The following CNTN5 variants were observed in gnomAD, a reference collection of about 807,000 sequenced individuals.
The protein encoded by CNTN5 is contactin 5, also known as contactin-5.
CNTN5 carries 77 observed loss-of-function variants against 129.1 expected under a neutral mutation model. The observed-to-expected ratio is 0.60, with a 90% CI of 0.50 to 0.72. The LOEUF (loss-of-function observed/expected upper bound fraction) is 0.72. Ranked by LOEUF, CNTN5 falls within the 30% of genes least tolerant of loss-of-function variation. The pLI, the probability that CNTN5 is intolerant of heterozygous loss-of-function variation, is 0.00. For synonymous variants in CNTN5, 509 were observed against 465.6 expected (o/e 1.09, Z -1.20); for missense variants, 1,478 against 1,328.8 (o/e 1.11, Z -1.75).
At chr11:99,486,999 G>A (rs1945844470) in intron 2 of CNTN5, among the ~76,000 whole-genome samples, 1 of 152,154 alleles carries the variant, frequency 6.6e-6, no homozygotes, top group Non-Finnish European at 1.5e-5. Flanking sequence ...TGGTATTTTT[G>A]GAAGAGTCAG....
At chr11:100,198,224 C>A (rs879788292) in intron 15 of CNTN5, among the ~76,000 whole-genome samples, 11 of 151,894 alleles carry the variant, frequency 7.2e-5, no homozygotes, top group Admixed American at 2.0e-4. Flanking sequence ...AGACATTAAG[C>A]AATTCAAGAA....
intron 1 of CNTN5, among the ~76,000 whole-genome samples, chr11:99,104,613 TGTGTATATATATATATACACACACACAC>T (rs1051770796): frequency 1.2e-4 from 14 of 114,688 alleles, no homozygotes; most frequent in Admixed American, 3.1e-4. Context: ...CTACAATGTG[TGTGTATATATATATATACACACACACAC>T]GTGTATATAT....
chr11:99,835,340 G>T (rs557004406), intron 4 of CNTN5, among the ~76,000 whole-genome samples: 1 of 152,202 alleles, frequency 6.6e-6, no homozygotes, highest in Non-Finnish European at 1.5e-5. Flanking sequence ...TGTGAGGTAG[G>T]GTTGGGATGA....
At chr11:99,091,449 A>C (rs1866247454) in intron 1 of CNTN5, among the ~76,000 whole-genome samples, 1 of 152,232 alleles carries the variant, frequency 6.6e-6, no homozygotes, top group Admixed American at 6.5e-5. Context: ...ACCAAGACGA[A>C]CCCAGAAATT....
At chr11:99,406,949 G>T (rs1432091184) in intron 2 of CNTN5, among the ~76,000 whole-genome samples, 1 of 149,714 alleles carries the variant, frequency 6.7e-6, no homozygotes, top group Non-Finnish European at 1.5e-5. Flanking sequence ...TCAGGGAAGT[G>T]GGCTCACCTC....
intron 13 of CNTN5, among the ~76,000 whole-genome samples, chr11:100,097,618 C>T (rs1591237793): frequency 6.6e-6 from 1 of 152,130 alleles, no homozygotes; most frequent in East Asian, 1.9e-4. Flanking sequence ...CAAATTTTGA[C>T]TCTACTGAGA....
At chr11:100,149,419 T>G (rs1196036525) in intron 13 of CNTN5, among the ~76,000 whole-genome samples, 1 of 152,226 alleles carries the variant, frequency 6.6e-6, no homozygotes, top group African/African-American at 2.4e-5. Context: ...TTGTGATCCA[T>G]TCTGTTGAAG....
chr11:99,651,211 T>A (rs1952143174), intron 3 of CNTN5, among the ~76,000 whole-genome samples: 1 of 128,450 alleles, frequency 7.8e-6, no homozygotes, highest in East Asian at 2.2e-4. Context: ...GAAACAGTTA[T>A]GTTAAAACAG....
At chr11:100,347,470 C>T (rs775936846) in intron 23 of CNTN5, among the ~76,000 whole-genome samples, 37 of 152,140 alleles carry the variant, frequency 2.4e-4, no homozygotes, top group Non-Finnish European at 3.5e-4. Context: ...TCTTTACATT[C>T]ATTTATGCCT....
rs1284635690 is a variant in CNTN5, at chr11:99,259,299, C to T, written c.-209-66047C>T. 2.0e-5 allele frequency among the ~76,000 whole-genome samples: 3 copies of T among 151,690 alleles called. No individual in the cohort carries two copies. In the Admixed American group the frequency reaches 2.0e-4, roughly 10 times the overall value. On this transcript the variant is annotated intron_variant, in intron 1 of 24. Transcript: ENST00000524871. ...CTAGTATTTTTCCTCTGCGCCCTTA[C>T]TTCTAAAATCCTATACCCATATATG...
At chr11:99,731,589 AACAT>A (rs1451227600) in intron 3 of CNTN5, among the ~76,000 whole-genome samples, 1 of 152,188 alleles carries the variant, frequency 6.6e-6, no homozygotes, top group Non-Finnish European at 1.5e-5. Flanking sequence ...ATATTTTTTT[AACAT>A]ACAGAGTTGA....
intron 13 of CNTN5, among the ~76,000 whole-genome samples, chr11:100,128,938 C>T (rs1249729246): frequency 6.6e-6 from 1 of 151,968 alleles, no homozygotes; most frequent in Admixed American, 6.6e-5. Context: ...CATTAGTGTT[C>T]TGCAATTATA....
intron 3 of CNTN5, among the ~76,000 whole-genome samples, chr11:99,701,332 T>G (rs1327187705): frequency 6.6e-6 from 1 of 151,330 alleles, no homozygotes; most frequent in Non-Finnish European, 1.5e-5. Context: ...AGGAAAAAAG[T>G]AGTTATTTTT....
intron 8 of CNTN5, among the ~76,000 whole-genome samples, chr11:99,961,789 A>G (rs967469984): frequency 6.6e-6 from 1 of 152,172 alleles, no homozygotes; most frequent in African/African-American, 2.4e-5. Flanking sequence ...TTATTCTAGC[A>G]TTCGTATGCC....
chr11:99,051,566 A>G (rs940686768), intron 1 of CNTN5, among the ~76,000 whole-genome samples: 1 of 151,956 alleles, frequency 6.6e-6, no homozygotes, highest in Non-Finnish European at 1.5e-5. Context: ...TTACTTCAAC[A>G]GTCAACAGCA....
chr11:99,042,740 C>T (rs1408605471), intron 1 of CNTN5, among the ~76,000 whole-genome samples: 1 of 152,122 alleles, frequency 6.6e-6, no homozygotes, highest in African/African-American at 2.4e-5. Context: ...AGTACAATGC[C>T]TGGAATTCAG....
intron 3 of CNTN5, among the ~76,000 whole-genome samples, chr11:99,757,920 G>C (rs149556682): frequency 7.2e-5 from 11 of 152,124 alleles, no homozygotes; most frequent in African/African-American, 2.6e-4. Flanking sequence ...TCTAAAAATA[G>C]TAACTGTTAT....
chr11:100,301,800 T>A (rs1390594136), intron 20 of CNTN5, among the ~76,000 whole-genome samples: 2 of 151,596 alleles, frequency 1.3e-5, no homozygotes, highest in Non-Finnish European at 3.0e-5. Flanking sequence ...ACTTTAAAAA[T>A]GAAGGTCTCA....
intron 17 of CNTN5, among the ~76,000 whole-genome samples, chr11:100,263,642 T>TGGTA (rs1213291719): frequency 2.0e-5 from 3 of 152,152 alleles, no homozygotes; most frequent in Non-Finnish European, 4.4e-5. Flanking sequence ...TTTCTAGGTA[T>TGGTA]GGTAGTTAAT....
Sources: allele counts gnomAD v4.1 joint callset (sites outside exome capture counted in the v4.1 genomes callset), GRCh38; gene constraint gnomAD v4.1.1; transcripts MANE v1.5; gene names NCBI Gene and HGNC (gene_info 2026-07-23, HGNC 2026-07-21).